The following FOXP2 variants were observed in gnomAD, a reference collection of about 807,000 sequenced individuals.
FOXP2 encodes the protein forkhead box P2.
A neutral mutation model predicts 115.8 loss-of-function variants in FOXP2; 12 were observed. The observed-to-expected ratio is 0.10, with a 90% CI of 0.07 to 0.17. The LOEUF (loss-of-function observed/expected upper bound fraction) is 0.17. FOXP2 is among the 10% of genes least tolerant of loss of function. The pLI is 1.00. For missense variants in FOXP2, 629 were observed against 843.5 expected (o/e 0.75, Z 3.15); for synonymous variants, 328 against 297.7 (o/e 1.10, Z -1.05).
rs1797453249 is a variant in FOXP2 at position 114,499,154 on chromosome 7, A to G, written c.169-35463A>G. 3 of 487,518 alleles carry G rather than the reference A, an allele frequency of 6.2e-6. No individual in the cohort carries two copies. The South Asian group carries it at 9.4e-5, about 15-fold the overall frequency. 30.2% of individuals were successfully genotyped at this position (487,518 alleles called of 1,614,324 possible). Reference sequence around the variant, plus strand: ...GGCCTAGAAGAAATGAACTACTGCAACTTATGAGGAATCATGAGATCCAGC... The same window carrying G: ...GGCCTAGAAGAAATGAACTACTGCAGCTTATGAGGAATCATGAGATCCAGC... On this transcript the variant is annotated intron_variant, in intron 2 of 16. Transcript: ENST00000350908.
intron 2 of FOXP2, among the ~76,000 whole-genome samples, chr7:114,371,501 A>G (rs906524260): frequency 1.3e-5 from 2 of 152,144 alleles, no homozygotes; most frequent in African/African-American, 4.8e-5. Flanking sequence ...AAAGATAAAT[A>G]TATGTAGGGA....
intron 1 of FOXP2, among the ~76,000 whole-genome samples, chr7:114,202,187 C>T (rs1055915858): frequency 2.6e-5 from 4 of 152,112 alleles, no homozygotes; most frequent in Non-Finnish European, 4.4e-5. Context: ...GGAAATTAAG[C>T]GATGATATTT....
At chr7:114,349,615 C>T (rs1346316696) in intron 2 of FOXP2, among the ~76,000 whole-genome samples, 1 of 151,976 alleles carries the variant, frequency 6.6e-6, no homozygotes, top group Non-Finnish European at 1.5e-5. Flanking sequence ...GGATTTCCCT[C>T]AAGGTGTATT....
chr7:114,441,840 T>TA (rs995589842), intron 2 of FOXP2, among the ~76,000 whole-genome samples: 41 of 152,166 alleles, frequency 2.7e-4, no homozygotes, highest in Middle Eastern at 3.4e-3. Flanking sequence ...ATAGCTACAG[T>TA]AAAAAAAGAC....
At chr7:114,335,584 A>G (rs552613237) in intron 2 of FOXP2, among the ~76,000 whole-genome samples, 2 of 152,028 alleles carry the variant, frequency 1.3e-5, no homozygotes, top group Admixed American at 6.6e-5. Flanking sequence ...GACCATTTGC[A>G]TGGAATTATT....
chr7:114,386,018 G>A (rs1356395926), intron 2 of FOXP2, among the ~76,000 whole-genome samples: 1 of 152,192 alleles, frequency 6.6e-6, no homozygotes, highest in Admixed American at 6.5e-5. Flanking sequence ...CGATTAGGAC[G>A]AACCCAGGCA....
intron 3 of FOXP2, chr7:114,561,393 G>T (rs930528543): frequency 1.3e-5 from 2 of 152,094 alleles, no homozygotes; most frequent in South Asian, 4.1e-4. Context: ...ATGTATTTGT[G>T]TGTGAAGACT....
rs968000361 is a variant in FOXP2 at position 114,658,333 on chromosome 7, G to A, written c.1468+66G>A. On this transcript the variant is annotated intron_variant, in intron 11 of 16. Coordinates refer to ENST00000350908, the MANE Select transcript of FOXP2 (RefSeq NM_014491.4). ...GAGGAAAACTGTAGCTGAATCAACT[G>A]TACATGAGCCATTCCAGAGCACATG... 1.7e-5 allele frequency: 25 copies of A among 1,477,238 alleles called. No individual in the cohort carries two copies. In the African/African-American group the frequency reaches 2.9e-4, roughly 17 times the overall value. The allele number at this position is 1,477,238 out of a possible 1,614,324, so 91.5% of individuals were successfully genotyped here. A position where few individuals can be genotyped will look rare whatever the true frequency, so the allele number is the denominator to read the frequency against.
chr7:114,486,017 C>G (rs1005248159), intron 2 of FOXP2, among the ~76,000 whole-genome samples: 1 of 152,106 alleles, frequency 6.6e-6, no homozygotes, highest in Non-Finnish European at 1.5e-5. Flanking sequence ...ATGGCTCCTG[C>G]TACTACTTTT....
chr7:114,191,650 GT>G (rs1793764293), intron 1 of FOXP2, among the ~76,000 whole-genome samples: 1 of 152,150 alleles, frequency 6.6e-6, no homozygotes, highest in East Asian at 1.9e-4. Context: ...TACAGAAAAA[GT>G]GATTTGTAAG....
intron 3 of FOXP2, among the ~76,000 whole-genome samples, chr7:114,598,942 G>A (rs945547306): frequency 3.9e-5 from 6 of 152,120 alleles, no homozygotes; most frequent in Non-Finnish European, 8.8e-5. Context: ...TTTGGATTAA[G>A]CAACACTGCA....
chr7:114,217,948 GT>G (rs1348636012), intron 1 of FOXP2, among the ~76,000 whole-genome samples: 2 of 152,112 alleles, frequency 1.3e-5, no homozygotes, highest in Non-Finnish European at 1.5e-5. Flanking sequence ...CCCTCTCTGA[GT>G]AAGACCCCTT....
intron 2 of FOXP2, among the ~76,000 whole-genome samples, chr7:114,508,246 G>A (rs1456907225): frequency 2.6e-5 from 4 of 152,046 alleles, no homozygotes; most frequent in East Asian, 1.9e-4. Flanking sequence ...TGAAAGATGA[G>A]TAGGTTTGAG....
At chr7:114,462,582 G>A (rs1017456069) in intron 2 of FOXP2, among the ~76,000 whole-genome samples, 16 of 152,058 alleles carry the variant, frequency 1.1e-4, no homozygotes, top group Admixed American at 2.0e-4. Context: ...ATGTTGGCCA[G>A]GATGGTCTCA....
chr7:114,288,249 A>G, intron 2 of FOXP2: 3 of 374,984 alleles, frequency 8.0e-6, no homozygotes, highest in South Asian at 6.3e-5. Context: ...GACAATTGAG[A>G]CATGTTAAGT....
chr7:114,679,456 A>T (rs1252467254), intron 16 of FOXP2, among the ~76,000 whole-genome samples: 2 of 152,100 alleles, frequency 1.3e-5, no homozygotes, highest in African/African-American at 4.8e-5. Flanking sequence ...ATATTTTGCA[A>T]ATTCATCTTC....
intron 13 of FOXP2, among the ~76,000 whole-genome samples, chr7:114,659,890 C>T (rs1449861937): frequency 6.6e-6 from 1 of 152,146 alleles, no homozygotes; most frequent in East Asian, 1.9e-4. Context: ...ATAGCTGAGG[C>T]TTGGCAGAGA....
intron 1 of FOXP2, among the ~76,000 whole-genome samples, chr7:114,093,711 C>T (rs1343075438): frequency 1.3e-5 from 2 of 151,910 alleles, no homozygotes; most frequent in African/African-American, 4.8e-5. Flanking sequence ...TCATGGCCCT[C>T]GTCTCAGGTG....
At chr7:114,488,809 C>A (rs1406729327) in intron 2 of FOXP2, among the ~76,000 whole-genome samples, 1 of 152,070 alleles carries the variant, frequency 6.6e-6, no homozygotes, top group Non-Finnish European at 1.5e-5. Flanking sequence ...GTTCATTGAA[C>A]CTTTGTAATA....
Sources: gnomAD v4.1 joint callset for allele counts (sites outside exome capture counted in the v4.1 genomes callset) on GRCh38, gnomAD v4.1.1 for gene constraint, MANE v1.5 for transcripts, NCBI Gene and HGNC (gene_info 2026-07-23, HGNC 2026-07-21) for gene names.